SHTN1: variants seen among roughly 807,000 people sequenced by gnomAD.
The protein encoded by SHTN1 is shootin 1.
Under a neutral mutation model 83.1 loss-of-function variants are expected in SHTN1, and 42 were observed. That is an observed-to-expected ratio of 0.51 (90% confidence interval 0.39 to 0.65). The LOEUF is 0.65. Ranked by LOEUF, SHTN1 falls within the 30% of genes least tolerant of loss-of-function variation. SHTN1 has a pLI of 0.00. For synonymous variants in SHTN1, 224 were observed against 247.7 expected (o/e 0.90, Z 0.90); for missense variants, 622 against 737.8 (o/e 0.84, Z 1.82).
chr10:116,907,540 G>A (rs973601037), intron 14 of SHTN1, among the ~76,000 whole-genome samples: 3 of 152,202 alleles, frequency 2.0e-5, no homozygotes, highest in Admixed American at 6.5e-5. Context: ...ATGTTACAGA[G>A]TGAGAGCTAT....
chr10:116,915,143 C>T (rs532654816), intron 13 of SHTN1, among the ~76,000 whole-genome samples: 4 of 152,274 alleles, frequency 2.6e-5, no homozygotes, highest in African/African-American at 7.2e-5. Context: ...CACTGTCTCT[C>T]GTAATGAGAC....
At chr10:116,894,019 C>T (rs1179097788) in intron 16 of SHTN1, among the ~76,000 whole-genome samples, 1 of 151,864 alleles carries the variant, frequency 6.6e-6, no homozygotes, top group Non-Finnish European at 1.5e-5. Flanking sequence ...ATGAAGAGAC[C>T]AGTTAGAGGT....
At position 116,899,506 on chromosome 10, in the gene SHTN1, G is replaced by GGTGTGTGTGTGTGTGTGTGT. The variant is rs370396879; in HGVS notation, c.1673+2239_1673+2258dup. Reference sequence around the variant, plus strand: ...AAGGGAAGTTAGAGTGGCTGGGGCTGGTGTGTGTGTGTGTGTGTGTGTGTG... The same window carrying GGTGTGTGTGTGTGTGTGTGT: ...AAGGGAAGTTAGAGTGGCTGGGGCTGGTGTGTGTGTGTGTGTGTGTGTGTGTGTGTGTGTGTGTGTGTGTG... On this transcript the variant is annotated intron_variant, in intron 16 of 16. Coordinates refer to ENST00000355371, the MANE Select transcript of SHTN1 (RefSeq NM_001127211.3). Among the ~76,000 whole-genome samples, 390 of 124,554 alleles carry GGTGTGTGTGTGTGTGTGTGT rather than the reference G, an allele frequency of 3.1e-3. 3 individuals are homozygous for GGTGTGTGTGTGTGTGTGTGT. Among genetic ancestry groups the GGTGTGTGTGTGTGTGTGTGT allele is most frequent in the African/African-American group, 0.011 (365 of 34,164 alleles). 81.7% of individuals were successfully genotyped at this position (124,554 alleles called of 152,430 possible). A position where few individuals can be genotyped will look rare whatever the true frequency, so the allele number is the denominator to read the frequency against.
At chr10:116,912,435 C>T (rs1449124877) in intron 13 of SHTN1, among the ~76,000 whole-genome samples, 1 of 152,144 alleles carries the variant, frequency 6.6e-6, no homozygotes, top group Admixed American at 6.5e-5. Context: ...CCAGAGCAGC[C>T]AAAGACCTCA....
chr10:116,889,731 G>A (rs575046921), intron 16 of SHTN1, among the ~76,000 whole-genome samples: 4 of 152,186 alleles, frequency 2.6e-5, no homozygotes, highest in Non-Finnish European at 4.4e-5. Flanking sequence ...GAAACAGGAG[G>A]CTACAGGCTA....
intron 1 of SHTN1, among the ~76,000 whole-genome samples, chr10:117,072,221 C>T (rs1473140666): frequency 3.3e-5 from 5 of 152,198 alleles, no homozygotes; most frequent in African/African-American, 1.2e-4. Flanking sequence ...ACAAGTTCTT[C>T]AGTTTTGGGA....
intron 16 of SHTN1, among the ~76,000 whole-genome samples, chr10:116,887,487 C>A (rs890493473): frequency 6.6e-6 from 1 of 152,088 alleles, no homozygotes; most frequent in East Asian, 1.9e-4. Flanking sequence ...TTAACCATGA[C>A]CCGGCACACC....
intron 8 of SHTN1, among the ~76,000 whole-genome samples, chr10:116,942,938 A>C (rs1353502972): frequency 6.6e-6 from 1 of 152,232 alleles, no homozygotes; most frequent in African/African-American, 2.4e-5. Context: ...GTCTTTGTGC[A>C]GTACTTACCT....
intron 2 of SHTN1, among the ~76,000 whole-genome samples, chr10:117,033,847 T>C (rs1852456334): frequency 6.6e-6 from 1 of 151,946 alleles, no homozygotes; most frequent in East Asian, 1.9e-4. Flanking sequence ...GTGGGATTTA[T>C]TCCTGGGATG....
At chr10:117,084,912 C>A (rs1038503292) in intron 1 of SHTN1, among the ~76,000 whole-genome samples, 2 of 151,666 alleles carry the variant, frequency 1.3e-5, no homozygotes, top group Admixed American at 1.3e-4. Flanking sequence ...CGGTGCGCGC[C>A]CCCACTGACC....
intron 10 of SHTN1, among the ~76,000 whole-genome samples, chr10:116,929,294 A>G (rs1230214867): frequency 6.6e-6 from 1 of 152,212 alleles, no homozygotes; most frequent in Non-Finnish European, 1.5e-5. Context: ...TCTAGAACTG[A>G]ATGAATAAAT....
intron 9 of SHTN1, among the ~76,000 whole-genome samples, chr10:116,937,183 G>C (rs1475547837): frequency 1.3e-5 from 2 of 152,156 alleles, no homozygotes; most frequent in Non-Finnish European, 2.9e-5. Flanking sequence ...ATATTGTTAT[G>C]TGTGAATTTG....
At chr10:116,901,246 A>G in intron 16 of SHTN1, 1 of 985,030 alleles carries the variant, frequency 1.0e-6, no homozygotes, top group Non-Finnish European at 1.2e-6. Context: ...CTCTTTGACA[A>G]TCAAAGTGCC....
chr10:116,906,893 A>T, intron 14 of SHTN1, 146 bp from the exon 15 acceptor site: 2 of 641,768 alleles, frequency 3.1e-6, no homozygotes, highest in Non-Finnish European at 4.9e-6. Context: ...ATATTTTTTA[A>T]ATGTGCACAT....
intron 9 of SHTN1, among the ~76,000 whole-genome samples, chr10:116,934,130 GAT>G (rs1437504955): frequency 1.3e-5 from 2 of 152,142 alleles, no homozygotes; most frequent in Non-Finnish European, 2.9e-5. Context: ...TCACTCTGAT[GAT>G]AGTTTCTTTT....
intron 2 of SHTN1, among the ~76,000 whole-genome samples, chr10:117,020,928 T>C (rs1852251164): frequency 6.6e-6 from 1 of 151,846 alleles, no homozygotes; most frequent in Non-Finnish European, 1.5e-5. Flanking sequence ...ATCTAGGACA[T>C]ATAAAGAGCT....
intron 1 of SHTN1, among the ~76,000 whole-genome samples, chr10:117,000,945 A>G (rs565159250): frequency 6.6e-6 from 1 of 152,316 alleles, no homozygotes; most frequent in East Asian, 1.9e-4. Flanking sequence ...ATGAATATTC[A>G]ATGCATGTGG....
rs544082663 is a variant in SHTN1 at position 116,979,487 on chromosome 10, C to A, written c.59-179G>T. ...TATTTTGTAGAGACAGGGTCTCACTCTGTTGCCCAGGCTGGTCTCAAAACT... is the reference window on the plus strand; with the variant it reads ...TATTTTGTAGAGACAGGGTCTCACTATGTTGCCCAGGCTGGTCTCAAAACT... On this transcript the variant is annotated intron_variant, in intron 1 of 16. Transcript: ENST00000355371. Among the ~76,000 whole-genome samples, 112 of 152,316 alleles carry A rather than the reference C, an allele frequency of 7.4e-4. 2 individuals carry two copies. The South Asian group carries it at 0.022, about 30-fold the overall frequency.
Position 116,960,190 on chromosome 10 carries a change from G to A in SHTN1, c.213C>T (p.Asn71=), listed in dbSNP as rs1212884251. The A allele has an allele frequency of 1.9e-6, 3 of 1,610,986 alleles. No individual in the cohort carries two copies. The highest frequency in any genetic ancestry group is 1.7e-5 in the Admixed American group (1 of 60,008). The change falls in exon 4 of 17, where the codon AAC becomes AAT. Residue 71 remains asparagine, a synonymous_variant. Coordinates refer to ENST00000355371, the MANE Select transcript of SHTN1 (RefSeq NM_001127211.3). The part of the protein sequence containing the change: ...MVIEEVNFMQ[N]HLEIEKTCRE... Reference sequence around the variant, plus strand: ...GACAAGTCTTCTCTATTTCAAGATGGTTCTGCATGAAATTAACTTCCTCTA... The same window carrying A: ...GACAAGTCTTCTCTATTTCAAGATGATTCTGCATGAAATTAACTTCCTCTA...
Sources: gnomAD v4.1 joint callset for allele counts (sites outside exome capture counted in the v4.1 genomes callset) on GRCh38, gnomAD v4.1.1 for gene constraint, MANE v1.5 for transcripts, NCBI Gene and HGNC (gene_info 2026-07-23, HGNC 2026-07-21) for gene names.